NPRL3: variants seen among roughly 807,000 people sequenced by gnomAD.
NPRL3 encodes GATOR1 complex protein NPRL3.
A neutral mutation model predicts 57.2 loss-of-function variants in NPRL3; 23 were observed. That is an observed-to-expected ratio of 0.40 (90% CI 0.29 to 0.57). The LOEUF (loss-of-function observed/expected upper bound fraction) is 0.57. Ranked by LOEUF, NPRL3 falls within the 20% of genes least tolerant of loss-of-function variation. The pLI is 0.42. For synonymous variants in NPRL3, 333 were observed against 321.1 expected (o/e 1.04, Z -0.39); for missense variants, 691 against 767.1 (o/e 0.90, Z 1.17).
chr16:130,390 C>T, intron 3 of NPRL3, 132 bp downstream of exon 3: 1 of 848,324 alleles, frequency 1.2e-6, no homozygotes, highest in Non-Finnish European at 1.8e-6. Context: ...TACCTGAGAG[C>T]ACCCACTAAA....
chr16:90,019 C>T, intron 11 of NPRL3, 117 bp from the exon 12 acceptor site: 1 of 946,966 alleles, frequency 1.1e-6, no homozygotes, highest in Non-Finnish European at 1.5e-6. Context: ...GACGCACAGG[C>T]AGAAAGGCCC....
Position 111,460 on chromosome 16 carries a change from T to A in NPRL3, c.548-854A>T, listed in dbSNP as rs189449789. Among the ~76,000 whole-genome samples, 150 of 152,040 alleles carry A rather than the reference T, an allele frequency of 9.9e-4. 1 individual carries two copies. Among genetic ancestry groups the A allele is most frequent in the Non-Finnish European group, 1.3e-3 (85 of 67,982 alleles). The stretch of plus-strand genomic sequence containing the variant: ...TTATTTTATTTTTATTTATTTATTT[T>A]TTTTTTGAGACAGGGTCTCACTCTG... On this transcript the variant is annotated intron_variant, in intron 6 of 13. Coordinates refer to ENST00000611875, the MANE Select transcript of NPRL3 (RefSeq NM_001077350.3).
Position 101,869 on chromosome 16 carries a change from T to A in NPRL3, c.630-1360A>T, listed in dbSNP as rs148153392. Among the ~76,000 whole-genome samples the A allele has an allele frequency of 6.1e-3, 925 of 152,322 alleles. 7 individuals carry two copies. Among genetic ancestry groups the A allele is most frequent in the Non-Finnish European group, 9.9e-3 (673 of 68,022 alleles). On this transcript the variant is annotated intron_variant, in intron 7 of 13. Transcript: ENST00000611875. Reference sequence around the variant, plus strand: ...CTCCACTCAAGTGTCACATTCTCAGTGAAGCACCCCTGACCCCAGCCCCAT... The same window carrying A: ...CTCCACTCAAGTGTCACATTCTCAGAGAAGCACCCCTGACCCCAGCCCCAT...
Position 85,748 on chromosome 16 carries a change from A to G in NPRL3, c.*957T>C. ...CAGCCCCTGGGTCAGTGTGGTCGAC[A>G]GAGTGGCTGAGCAGGACACACAGGC... is the stretch of plus-strand genomic sequence containing the variant. On this transcript the variant is annotated 3_prime_UTR_variant, in exon 14 of 14. Transcript: ENST00000611875. 1.3e-6 allele frequency: 2 copies of G among 1,513,334 alleles called. No individual in the cohort carries two copies. The highest frequency in any genetic ancestry group is 8.8e-7 in the Non-Finnish European group (1 of 1,129,988). 93.7% of individuals were successfully genotyped at this position (1,513,334 alleles called of 1,614,324 possible). A position where few individuals can be genotyped will look rare whatever the true frequency, so the allele number is the denominator to read the frequency against.
intron 3 of NPRL3, among the ~76,000 whole-genome samples, chr16:129,416 A>C (rs2141979562): frequency 6.6e-6 from 1 of 152,306 alleles, no homozygotes; most frequent in African/African-American, 2.4e-5. Context: ...TGGGGTGTCC[A>C]GCAAGCCCCA....
intron 2 of NPRL3, among the ~76,000 whole-genome samples, chr16:136,766 A>G (rs1901108011): frequency 6.6e-6 from 1 of 151,912 alleles, no homozygotes; most frequent in Non-Finnish European, 1.5e-5. Context: ...GAAAAATGGG[A>G]ACAGTAGTTA....
chr16:114,461 A>G (rs1899945212), intron 5 of NPRL3, among the ~76,000 whole-genome samples: 1 of 152,252 alleles, frequency 6.6e-6, no homozygotes, highest in African/African-American at 2.4e-5. Flanking sequence ...TTGTACCCAA[A>G]TAGAACCAAG....
intron 2 of NPRL3, among the ~76,000 whole-genome samples, chr16:135,264 T>C (rs1000979640): frequency 1.2e-4 from 18 of 152,228 alleles, no homozygotes; most frequent in Admixed American, 5.2e-4. Flanking sequence ...AAGGCAACCA[T>C]GCAGTTCATC....
chr16:89,697 G>C lies in NPRL3; in HGVS notation c.1351+16C>G. On this transcript the variant is annotated intron_variant, in intron 12 of 13. Transcript: ENST00000611875. ...CGTCTCCCCTGACTACCACAGCGGT[G>C]CCCTGGGGGTCCTACTTGGGGAGCC... The C allele has an allele frequency of 6.5e-7, 1 of 1,548,366 alleles. No homozygotes were observed. The highest frequency in any genetic ancestry group is 8.7e-7 in the Non-Finnish European group (1 of 1,155,310).
chr16:95,340 TATATATATATACACAC>T (rs1324911799), intron 9 of NPRL3, among the ~76,000 whole-genome samples: 1 of 55,060 alleles, frequency 1.8e-5, no homozygotes, highest in Non-Finnish European at 4.7e-5. Context: ...TATATATATA[TATATATATATACACAC>T]ACACACACAC....
At chr16:87,795 C>A (rs1190326488) in intron 13 of NPRL3, among the ~76,000 whole-genome samples, 1 of 151,402 alleles carries the variant, frequency 6.6e-6, no homozygotes, top group African/African-American at 2.4e-5. Context: ...TGATCTCGAT[C>A]TCCTGACCTC....
chr16:86,975 AC>A, intron 13 of NPRL3, 105 bp from the exon 14 acceptor site: 1 of 1,208,264 alleles, frequency 8.3e-7, no homozygotes, highest in Non-Finnish European at 1.1e-6. Context: ...ACAGGCCTGA[AC>A]AGAGCTGGTG....
At chr16:92,922 A>G in intron 10 of NPRL3, 197 bp from the exon 11 acceptor site, 1 of 661,450 alleles carries the variant, frequency 1.5e-6, no homozygotes, top group Admixed American at 2.6e-5. Flanking sequence ...AGCAGGAGCC[A>G]TGGGCACAGT....
At chr16:123,608 A>G in intron 3 of NPRL3, 1 of 466,466 alleles carries the variant, frequency 2.1e-6, no homozygotes, top group Non-Finnish European at 4.4e-6. Flanking sequence ...AAAACCATGA[A>G]AAGTTACAAG....
At position 86,143 on chromosome 16, in the gene NPRL3, C is replaced by T. The variant is rs2541623; in HGVS notation, c.*562G>A. On this transcript the variant is annotated 3_prime_UTR_variant, in exon 14 of 14. Transcript: ENST00000611875. ...CACAGCTTGGCTATGAGCCTGTTTG[C>T]GGCTTCTGTGGACTGTGGTGAGGAC... 180,862 of 210,822 alleles carry T rather than the reference C, an allele frequency of 0.86. 77,831 individuals carry two copies. The highest frequency in any genetic ancestry group is 0.93 in the African/African-American group (40,445 of 43,684). 13.1% of individuals were successfully genotyped at this position (210,822 alleles called of 1,614,324 possible).
At chr16:136,687 C>CAA (rs78093894) in intron 2 of NPRL3, among the ~76,000 whole-genome samples, 16 of 85,212 alleles carry the variant, frequency 1.9e-4, no homozygotes, top group Admixed American at 2.8e-4. Flanking sequence ...AGACTCGTCT[C>CAA]AAAAAAAAAA....
chr16:99,957 C>T (rs1182284209), intron 8 of NPRL3, among the ~76,000 whole-genome samples: 1 of 109,056 alleles, frequency 9.2e-6, no homozygotes, highest in Non-Finnish European at 1.9e-5. Context: ...CACACACCCC[C>T]GCAAAAAAAA....
intron 5 of NPRL3, among the ~76,000 whole-genome samples, chr16:116,328 A>ATTCATTT (rs1900033467): frequency 6.6e-6 from 1 of 152,122 alleles, no homozygotes; most frequent in African/African-American, 2.4e-5. Flanking sequence ...TTTTTACTTA[A>ATTCATTT]TTCATTTTTC....
chr16:101,352 G>A (rs1899293091), intron 7 of NPRL3, among the ~76,000 whole-genome samples: 1 of 152,186 alleles, frequency 6.6e-6, no homozygotes. Context: ...GTCTGCAGAT[G>A]CCCACAGCAC....
Sources: allele counts gnomAD v4.1 joint callset (sites outside exome capture counted in the v4.1 genomes callset), GRCh38; gene constraint gnomAD v4.1.1; transcripts MANE v1.5; gene names NCBI Gene and HGNC (gene_info 2026-07-23, HGNC 2026-07-21).